Variants in SLC30A8 observed in about 807,000 individuals in gnomAD.
SLC30A8 encodes the protein solute carrier family 30 member 8.
Under a neutral mutation model 36.9 loss-of-function variants are expected in SLC30A8, and 27 were observed. The ratio of observed to expected loss-of-function variants is 0.73; its 90% CI spans 0.54 to 1.01. The LOEUF (loss-of-function observed/expected upper bound fraction) is 1.01. Ranked by LOEUF, SLC30A8 falls within the 50% of genes least tolerant of loss-of-function variation. The pLI, the probability that SLC30A8 is intolerant of heterozygous loss-of-function variation, is 0.00. For synonymous variants in SLC30A8, 164 were observed against 172.4 expected (o/e 0.95, Z 0.38); for missense variants, 439 against 452.0 (o/e 0.97, Z 0.26).
chr8:117,025,903 G>C (rs1175572796), intron 1 of SLC30A8, among the ~76,000 whole-genome samples: 1 of 152,224 alleles, frequency 6.6e-6, no homozygotes, highest in East Asian at 1.9e-4. Flanking sequence ...AGATTACAGA[G>C]ATAGCACCAG....
chr8:117,085,223 C>A (rs143906864), intron 2 of SLC30A8, among the ~76,000 whole-genome samples: 2 of 152,210 alleles, frequency 1.3e-5, no homozygotes, highest in East Asian at 3.9e-4. Flanking sequence ...CTCATGACAA[C>A]TCTGTTTTTA....
At chr8:116,980,129 C>A (rs1815203234) in intron 1 of SLC30A8, among the ~76,000 whole-genome samples, 1 of 152,194 alleles carries the variant, frequency 6.6e-6, no homozygotes, top group East Asian at 1.9e-4. Context: ...ATTTTATAAT[C>A]TGGGCTGCTG....
intron 1 of SLC30A8, among the ~76,000 whole-genome samples, chr8:116,974,181 A>G (rs1563729681): frequency 6.6e-6 from 1 of 152,154 alleles, no homozygotes; most frequent in African/African-American, 2.4e-5. Flanking sequence ...AAGCCAAAAT[A>G]GACAAATGGG....
chr8:117,161,919 C>G (rs1439292074), intron 5 of SLC30A8, 31 bp downstream of exon 5: 1 of 1,592,540 alleles, frequency 6.3e-7, no homozygotes, highest in East Asian at 2.3e-5. Context: ...CATCCTAGTA[C>G]TTATGTAGAT....
chr8:117,008,506 T>C lies in SLC30A8; in HGVS notation c.-265-30713T>C, dbSNP rs575343681. On this transcript the variant is annotated intron_variant, in intron 1 of 10. Coordinates refer to the SLC30A8 transcript ENST00000427715. ...CTTTGTACCTGCCCCCAAAGTCCTATTCAGAGCAACCTCATTCTGTCTGAG... is the reference window on the plus strand; with the variant it reads ...CTTTGTACCTGCCCCCAAAGTCCTACTCAGAGCAACCTCATTCTGTCTGAG... 2.6e-5 allele frequency among the ~76,000 whole-genome samples: 4 copies of C among 152,322 alleles called. No homozygotes were observed. In the East Asian group the frequency reaches 7.7e-4, roughly 29 times the overall value.
chr8:117,137,148 T>C (rs1253897770), intron 1 of SLC30A8, among the ~76,000 whole-genome samples: 1 of 151,900 alleles, frequency 6.6e-6, no homozygotes, highest in Non-Finnish European at 1.5e-5. Flanking sequence ...ACATGCACCA[T>C]GTGGGCTCCT....
At chr8:116,964,120 A>G (rs1205930221) in intron 1 of SLC30A8, among the ~76,000 whole-genome samples, 2 of 152,208 alleles carry the variant, frequency 1.3e-5, no homozygotes, top group African/African-American at 2.4e-5. Context: ...GGGCTTTTAC[A>G]ATCTTATAAG....
chr8:117,152,963 T>C lies in SLC30A8; in HGVS notation c.291T>C (p.Ser97=). 1 of 1,610,912 alleles carries C rather than the reference T, an allele frequency of 6.2e-7. No individual in the cohort carries two copies. Among genetic ancestry groups the C allele is most frequent in the Non-Finnish European group, 8.5e-7 (1 of 1,177,850 alleles). ...CTCTAGGTGGGCACATTGCTGGGAG[T>C]CTTGCTGTTGTCACAGATGCTGCCC... ...AEVVGGHIAG[S]LAVVTDAAHL... The change falls in exon 3 of 8, where the codon AGT becomes AGC. Residue 97 remains serine (S), a synonymous_variant. Coordinates refer to ENST00000456015, the MANE Select transcript of SLC30A8 (RefSeq NM_173851.3).
chr8:116,973,048 G>C (rs867611251), intron 1 of SLC30A8, among the ~76,000 whole-genome samples: 1 of 152,208 alleles, frequency 6.6e-6, no homozygotes, highest in African/African-American at 2.4e-5. Context: ...AATGGGATTC[G>C]TTCTCTTATA....
chr8:117,162,490 C>G (rs893634630), intron 5 of SLC30A8, among the ~76,000 whole-genome samples: 2 of 152,232 alleles, frequency 1.3e-5, no homozygotes, highest in African/African-American at 4.8e-5. Flanking sequence ...CGGTAAGCCT[C>G]TGACCCTAAA....
intron 2 of SLC30A8, among the ~76,000 whole-genome samples, chr8:117,055,617 C>A (rs1471175947): frequency 6.6e-6 from 1 of 151,972 alleles, no homozygotes; most frequent in South Asian, 2.1e-4. Context: ...GTATTCTTAC[C>A]CTAATGTGAT....
At chr8:117,045,933 C>G (rs934072069) in intron 2 of SLC30A8, among the ~76,000 whole-genome samples, 1 of 151,798 alleles carries the variant, frequency 6.6e-6, no homozygotes, top group Non-Finnish European at 1.5e-5. Flanking sequence ...TTTTTTTCCC[C>G]CTTCTTTTTT....
At chr8:117,113,388 T>C (rs1278379049) in intron 2 of SLC30A8, among the ~76,000 whole-genome samples, 1 of 152,120 alleles carries the variant, frequency 6.6e-6, no homozygotes, top group Non-Finnish European at 1.5e-5. Flanking sequence ...ATCTTCAAAA[T>C]AGAGATAATA....
rs962707260 is a variant in SLC30A8, at chr8:116,969,578, G to T, written c.-266+18459G>T. ...TGCGCTGTCAGGTTTTTGTCATTGC[G>T]CAGACCTCATAGGGTGTACTTACAC... On this transcript the variant is annotated intron_variant, in intron 1 of 10. Coordinates refer to the SLC30A8 transcript ENST00000427715. 3.3e-5 allele frequency among the ~76,000 whole-genome samples: 5 copies of T among 152,250 alleles called. No homozygotes were observed. The East Asian group carries it at 9.6e-4, about 29-fold the overall frequency.
chr8:116,978,632 T>G (rs1374895845), intron 1 of SLC30A8, among the ~76,000 whole-genome samples: 1 of 152,210 alleles, frequency 6.6e-6, no homozygotes, highest in Non-Finnish European at 1.5e-5. Flanking sequence ...ATAAAATATC[T>G]CACAAAAATG....
intron 1 of SLC30A8, among the ~76,000 whole-genome samples, chr8:117,019,105 GA>G (rs1419484555): frequency 6.6e-6 from 1 of 152,148 alleles, no homozygotes; most frequent in Non-Finnish European, 1.5e-5. Flanking sequence ...GGCCCTTTAA[GA>G]AAAAGTTTTC....
chr8:117,015,858 C>G (rs1816500037), intron 1 of SLC30A8, among the ~76,000 whole-genome samples: 1 of 152,128 alleles, frequency 6.6e-6, no homozygotes, highest in South Asian at 2.1e-4. Flanking sequence ...TGTTTTACAA[C>G]CTGGTACATT....
In SLC30A8 at chr8:117,071,753, A is replaced by G. The variant is rs1250613252; in HGVS notation, c.-226+32495A>G. On this transcript the variant is annotated intron_variant, in intron 2 of 10. Coordinates refer to the SLC30A8 transcript ENST00000427715. ...TGGTGTAAGATAAGGATCTAATTTT[A>G]TTTATTCCTCAAATACTCATTGATA... Among the ~76,000 whole-genome samples the G allele has an allele frequency of 2.0e-5, 3 of 152,034 alleles. No individual in the cohort carries two copies. In the East Asian group the frequency reaches 5.8e-4, roughly 29 times the overall value.
At position 116,955,953 on chromosome 8, in the gene SLC30A8, G is replaced by A. The variant is rs181499905; in HGVS notation, c.-266+4834G>A. 1.2e-3 allele frequency among the ~76,000 whole-genome samples: 190 copies of A among 152,154 alleles called. 2 individuals are homozygous for A. The highest frequency in any genetic ancestry group is 7.1e-4 in the Non-Finnish European group (48 of 68,014). ...TTTGTGGCAATTTGTTATGGCATCC[G>A]TAGGAAACAAACAGGAAAAAATGGA... On this transcript the variant is annotated intron_variant, in intron 1 of 10. Transcript: ENST00000427715.
Sources: gnomAD v4.1 joint callset for allele counts (sites outside exome capture counted in the v4.1 genomes callset) on GRCh38, gnomAD v4.1.1 for gene constraint, MANE v1.5 for transcripts, NCBI Gene and HGNC (gene_info 2026-07-23, HGNC 2026-07-21) for gene names.